The following DCC variants were observed in gnomAD, a reference collection of about 807,000 sequenced individuals.
DCC encodes netrin receptor DCC.
In DCC, 58 loss-of-function variants were observed where a neutral mutation model predicts 172.5. That is an observed-to-expected ratio of 0.34 (90% CI 0.27 to 0.42). DCC has a LOEUF of 0.42. Ranked by LOEUF, DCC falls within the 10% of genes least tolerant of loss-of-function variation. The pLI, the probability that DCC is intolerant of heterozygous loss-of-function variation, is 1.00. For missense variants in DCC, 1,740 were observed against 1,791.0 expected, an observed-to-expected ratio of 0.97 and a Z score of 0.51; for synonymous variants, 709 against 644.5, an observed-to-expected ratio of 1.10 and a Z score of -1.52.
Position 53,134,588 on chromosome 18 carries a change from T to C in DCC, c.1262-22768T>C, listed in dbSNP as rs538659380. Among the ~76,000 whole-genome samples, 4 of 152,252 alleles carry C rather than the reference T, an allele frequency of 2.6e-5. No homozygotes were observed. The East Asian group carries it at 7.7e-4, about 29-fold the overall frequency. On this transcript the variant is annotated intron_variant, in intron 7 of 28. Coordinates refer to ENST00000442544, the MANE Select transcript of DCC (RefSeq NM_005215.4). ...CACATTTTTTATGTACAAATATAGCTTTTACCTAGCCAGTTGGTAGGTCAA... is the reference window on the plus strand; with the variant it reads ...CACATTTTTTATGTACAAATATAGCCTTTACCTAGCCAGTTGGTAGGTCAA...
intron 5 of DCC, among the ~76,000 whole-genome samples, chr18:52,929,349 ATTTATT>A (rs56067826): frequency 0.085 from 12,912 of 152,048 alleles, 899 homozygotes; most frequent in East Asian, 0.3. Context: ...GTTTTTTATT[ATTTATT>A]TTTAATCTTA....
chr18:52,789,256 G>GT (rs201245581), intron 2 of DCC, among the ~76,000 whole-genome samples: 5,185 of 152,098 alleles, frequency 0.034, 126 homozygotes, highest in Admixed American at 0.048. Context: ...AGAAAAACAG[G>GT]TTTTTTCTCA....
At chr18:52,601,190 A>G (rs2034010496) in intron 1 of DCC, among the ~76,000 whole-genome samples, 1 of 152,126 alleles carries the variant, frequency 6.6e-6, no homozygotes, top group Non-Finnish European at 1.5e-5. Flanking sequence ...CTTACTCTCT[A>G]TAAATTCAGA....
At chr18:52,558,980 G>T (rs10502948) in intron 1 of DCC, among the ~76,000 whole-genome samples, 42,154 of 152,066 alleles carry the variant, frequency 0.28, 6,634 homozygotes, top group Middle Eastern at 0.37. Context: ...ATGAATAATT[G>T]CAGAACTAGG....
In DCC at chr18:52,629,949, C is replaced by CAAAA. The variant is rs540334133; in HGVS notation, c.92-122081_92-122078dup. On this transcript the variant is annotated intron_variant, in intron 1 of 28. Transcript: ENST00000442544. ...TGGGCGACAGAGCAAGACTCCGTCTCAAAAAAAAAAAAAAAAAAAAAAAAA... is the reference window on the plus strand; with the variant it reads ...TGGGCGACAGAGCAAGACTCCGTCTCAAAAAAAAAAAAAAAAAAAAAAAAAAAAA... Among the ~76,000 whole-genome samples, 25 of 40,894 alleles carry CAAAA rather than the reference C, an allele frequency of 6.1e-4. 1 individual carries two copies. Among genetic ancestry groups the CAAAA allele is most frequent in the East Asian group, 1.8e-3 (2 of 1,118 alleles). 26.8% of individuals were successfully genotyped at this position (40,894 alleles called of 152,430 possible).
Position 52,342,033 on chromosome 18 carries a change from G to A in DCC, c.91+1155G>A, listed in dbSNP as rs540818635. On this transcript the variant is annotated intron_variant, in intron 1 of 28. Coordinates refer to ENST00000442544, the MANE Select transcript of DCC (RefSeq NM_005215.4). The stretch of plus-strand genomic sequence containing the variant: ...CGCGGCCAAGCCCCCAGCCTCCCCG[G>A]AGTCCGCAGCTCCGGCTTTCTCTTC... Among the ~76,000 whole-genome samples the A allele has an allele frequency of 2.0e-5, 3 of 152,304 alleles. No individual in the cohort carries two copies. In the South Asian group the frequency reaches 6.2e-4, roughly 32 times the overall value.
rs181276939 is a variant in DCC at position 52,696,676 on chromosome 18, G to A, written c.92-55378G>A. On this transcript the variant is annotated intron_variant, in intron 1 of 28. Coordinates refer to ENST00000442544, the MANE Select transcript of DCC (RefSeq NM_005215.4). The stretch of plus-strand genomic sequence containing the variant: ...GAGGGTGAAGTAGGAAGAATTAATT[G>A]CAGTGGAAATAATTAGCCCAAAATT... 1.7e-3 allele frequency among the ~76,000 whole-genome samples: 259 copies of A among 152,262 alleles called. 4 individuals carry two copies. The highest frequency in any genetic ancestry group is 0.016 in the Admixed American group (238 of 15,286).
chr18:53,196,541 G>T (rs957358128), intron 9 of DCC, among the ~76,000 whole-genome samples: 2 of 151,998 alleles, frequency 1.3e-5, no homozygotes, highest in South Asian at 4.1e-4. Flanking sequence ...CAAGAAATCT[G>T]CTTTGAAGAT....
At chr18:52,355,043 T>C (rs1303410801) in intron 1 of DCC, among the ~76,000 whole-genome samples, 1 of 152,128 alleles carries the variant, frequency 6.6e-6, no homozygotes, top group Non-Finnish European at 1.5e-5. Context: ...TATATGAAAA[T>C]GGAACAAGAT....
chr18:52,513,527 A>G (rs887470683), intron 1 of DCC, among the ~76,000 whole-genome samples: 1 of 152,206 alleles, frequency 6.6e-6, no homozygotes, highest in Non-Finnish European at 1.5e-5. Flanking sequence ...CAAACCTATA[A>G]GTATTTGTTT....
intron 12 of DCC, among the ~76,000 whole-genome samples, chr18:53,226,948 A>ATATATTTTT: frequency 5.7e-5 from 3 of 52,950 alleles, no homozygotes; most frequent in African/African-American, 2.8e-4. Context: ...ATATATATAT[A>ATATATTTTT]TTTTTTTTTT....
intron 2 of DCC, among the ~76,000 whole-genome samples, chr18:52,834,909 ATATATG>A (rs58716712): frequency 2.0e-5 from 3 of 151,154 alleles, no homozygotes; most frequent in Non-Finnish European, 3.0e-5. Flanking sequence ...TGCATACACT[ATATATG>A]TATATGTATA....
intron 2 of DCC, among the ~76,000 whole-genome samples, chr18:52,869,617 A>G (rs2039285733): frequency 6.6e-6 from 1 of 152,174 alleles, no homozygotes; most frequent in Non-Finnish European, 1.5e-5. Context: ...CATGGCACCC[A>G]GACTGCTCAT....
intron 7 of DCC, among the ~76,000 whole-genome samples, chr18:53,078,189 A>G (rs1357771030): frequency 6.6e-6 from 1 of 152,110 alleles, no homozygotes; most frequent in Non-Finnish European, 1.5e-5. Flanking sequence ...TACTTGGGAG[A>G]TTGAGATGGG....
chr18:53,109,323 T>C (rs1479983599), intron 7 of DCC, among the ~76,000 whole-genome samples: 1 of 151,586 alleles, frequency 6.6e-6, no homozygotes, highest in African/African-American at 2.4e-5. Context: ...TAATATTTAA[T>C]AATTCAATCT....
intron 2 of DCC, among the ~76,000 whole-genome samples, chr18:52,851,853 C>A (rs2038979773): frequency 6.6e-6 from 1 of 152,050 alleles, no homozygotes; most frequent in Non-Finnish European, 1.5e-5. Flanking sequence ...GTTTAAACAA[C>A]CTTTACTGCA....
chr18:52,924,000 A>G, intron 4 of DCC, 143 bp downstream of exon 4: 1 of 703,502 alleles, frequency 1.4e-6, no homozygotes, highest in South Asian at 1.6e-5. Context: ...TCTTGGCATG[A>G]TACAGTTATA....
At chr18:52,503,126 A>G (rs1438527981) in intron 1 of DCC, among the ~76,000 whole-genome samples, 1 of 152,188 alleles carries the variant, frequency 6.6e-6, no homozygotes, top group Non-Finnish European at 1.5e-5. Flanking sequence ...TTCAACATAA[A>G]CAACCACAGC....
At chr18:53,235,629 CACA>C (rs2056190161) in intron 12 of DCC, among the ~76,000 whole-genome samples, 1 of 152,106 alleles carries the variant, frequency 6.6e-6, no homozygotes, top group South Asian at 2.1e-4. Context: ...ATATACATAA[CACA>C]ACATTTACCA....
Sources: gnomAD v4.1 joint callset for allele counts (sites outside exome capture counted in the v4.1 genomes callset) on GRCh38, gnomAD v4.1.1 for gene constraint, MANE v1.5 for transcripts, NCBI Gene and HGNC (gene_info 2026-07-23, HGNC 2026-07-21) for gene names.